FIG4: variants seen among roughly 807,000 people sequenced by gnomAD.
FIG4 encodes polyphosphoinositide phosphatase.
Under a neutral mutation model 118.6 loss-of-function variants are expected in FIG4, and 112 were observed. That is an observed-to-expected ratio of 0.94 (90% CI 0.81 to 1.11). The LOEUF is 1.11. Ranked by LOEUF, FIG4 falls within the 50% of genes least tolerant of loss-of-function variation. The pLI is 0.00. For missense variants in FIG4, 969 were observed against 1,111.7 expected (o/e 0.87, Z 1.83); for synonymous variants, 369 against 381.2 (o/e 0.97, Z 0.37).
chr6:109,798,735 C>T (rs1251234889), intron 22 of FIG4, among the ~76,000 whole-genome samples: 1 of 152,114 alleles, frequency 6.6e-6, no homozygotes, highest in African/African-American at 2.4e-5. Context: ...GGAAAGAACC[C>T]CAGACCATAT....
intron 11 of FIG4, among the ~76,000 whole-genome samples, chr6:109,761,306 T>G (rs534509771): frequency 1.3e-5 from 2 of 152,314 alleles, no homozygotes; most frequent in African/African-American, 2.4e-5. Context: ...TTCTCCTGTC[T>G]CAGCCTCCTG....
intron 10 of FIG4, among the ~76,000 whole-genome samples, chr6:109,751,328 G>A (rs890255025): frequency 6.6e-6 from 1 of 152,294 alleles, no homozygotes; most frequent in East Asian, 1.9e-4. Flanking sequence ...GTATTTTATT[G>A]AGGATTTTCG....
intron 22 of FIG4, among the ~76,000 whole-genome samples, chr6:109,824,641 T>C (rs1779105390): frequency 1.3e-5 from 2 of 152,224 alleles, no homozygotes; most frequent in African/African-American, 4.8e-5. Flanking sequence ...TTTATTCCTG[T>C]TTACAACTAT....
chr6:109,696,050 A>G (rs1270891737), intron 1 of FIG4, among the ~76,000 whole-genome samples: 2 of 152,228 alleles, frequency 1.3e-5, no homozygotes, highest in African/African-American at 2.4e-5. Context: ...TTTATCTTCA[A>G]CATTGTCTCA....
intron 20 of FIG4, among the ~76,000 whole-genome samples, chr6:109,792,011 T>C (rs910190787): frequency 2.0e-5 from 3 of 152,242 alleles, no homozygotes; most frequent in African/African-American, 7.2e-5. Context: ...GGACCAACTC[T>C]AGCTTTGGGG....
Position 109,792,735 on chromosome 6 carries a change from C to T in FIG4, c.2459+71C>T, listed in dbSNP as rs1778172309. On this transcript the variant is annotated intron_variant, in intron 21 of 22. Transcript: ENST00000230124. ...ATTACAGTAACTTCTAACTACTATA[C>T]CTTTTTTTTTTTTTTTTTTTGGAGA... is the stretch of plus-strand genomic sequence containing the variant. 2.1e-5 allele frequency: 14 copies of T among 653,632 alleles called. No individual in the cohort carries two copies. In the South Asian group the frequency reaches 2.2e-4, roughly 10 times the overall value. The allele number at this position is 653,632 out of a possible 1,614,324, so 40.5% of individuals were successfully genotyped here.
chr6:109,703,492 T>C (rs1774964957), intron 1 of FIG4, among the ~76,000 whole-genome samples: 1 of 152,212 alleles, frequency 6.6e-6, no homozygotes, highest in Admixed American at 6.5e-5. Flanking sequence ...GCTTTTCAGT[T>C]TCAAATGGTT....
In FIG4 at chr6:109,792,572, T is replaced by A. The variant is rs9481005; in HGVS notation, c.2377-10T>A. The A allele has an allele frequency of 3.1e-5, 47 of 1,496,866 alleles. No homozygotes were observed. The highest frequency in any genetic ancestry group is 1.7e-4 in the Middle Eastern group (1 of 5,844). 92.7% of individuals were successfully genotyped at this position (1,496,866 alleles called of 1,614,324 possible). On this transcript the variant is annotated splice_polypyrimidine_tract_variant and intron_variant, in intron 20 of 22. Coordinates refer to ENST00000230124, the MANE Select transcript of FIG4 (RefSeq NM_014845.6). ...CTTCCTGGTTCTTCTTTTTTTTTTT[T>A]AAACCCCAGAATGTGGTCCAACCCA...
At chr6:109,716,358 G>C in intron 2 of FIG4, 87 bp from the exon 3 acceptor site, 1 of 1,356,320 alleles carries the variant, frequency 7.4e-7, no homozygotes. Flanking sequence ...GATGATGCTT[G>C]TAGGTAACTT....
At chr6:109,732,911 C>T (rs187441334) in intron 5 of FIG4, among the ~76,000 whole-genome samples, 5 of 151,974 alleles carry the variant, frequency 3.3e-5, no homozygotes, top group Admixed American at 1.3e-4. Flanking sequence ...TAAAAATCAT[C>T]GTTGTTTTAG....
rs1054210363 is a variant in FIG4 at position 109,788,243 on chromosome 6, C to T, written c.2097-1351C>T. 2.0e-5 allele frequency among the ~76,000 whole-genome samples: 3 copies of T among 152,154 alleles called. No homozygotes were observed. In the South Asian group the frequency reaches 6.2e-4, roughly 32 times the overall value. On this transcript the variant is annotated intron_variant, in intron 18 of 22. Coordinates refer to ENST00000230124, the MANE Select transcript of FIG4 (RefSeq NM_014845.6). Reference sequence around the variant, plus strand: ...GTATATTGTTGATTTATTAACATAACACTCATGGCCAACAGCACTATAGCT... The same window carrying T: ...GTATATTGTTGATTTATTAACATAATACTCATGGCCAACAGCACTATAGCT...
intron 16 of FIG4, among the ~76,000 whole-genome samples, chr6:109,782,876 G>A (rs1405787119): frequency 1.3e-5 from 2 of 152,152 alleles, no homozygotes; most frequent in Non-Finnish European, 1.5e-5. Flanking sequence ...AACACATCTC[G>A]ATCTCATATT....
chr6:109,750,484 T>G (rs1038601603), intron 10 of FIG4, among the ~76,000 whole-genome samples: 8 of 151,944 alleles, frequency 5.3e-5, no homozygotes, highest in Non-Finnish European at 8.8e-5. Flanking sequence ...TTTTTTTTTT[T>G]CAATTAGTTG....
chr6:109,748,244 T>C (rs1330943616), intron 10 of FIG4, among the ~76,000 whole-genome samples: 1 of 152,152 alleles, frequency 6.6e-6, no homozygotes, highest in Non-Finnish European at 1.5e-5. Context: ...GGCTTGTGAA[T>C]GAGTATAAGC....
intron 17 of FIG4, 53 bp downstream of exon 17, chr6:109,785,081 C>T (rs1777914896): frequency 1.0e-6 from 1 of 975,840 alleles, no homozygotes; most frequent in African/African-American, 1.6e-5. Context: ...TGGCATTATA[C>T]CTTAATGAAC....
At chr6:109,773,490 C>G (rs1355694834) in intron 15 of FIG4, among the ~76,000 whole-genome samples, 1 of 152,086 alleles carries the variant, frequency 6.6e-6, no homozygotes, top group Non-Finnish European at 1.5e-5. Context: ...TTCAGAAAAC[C>G]TAGGAATTCT....
At chr6:109,724,693 T>C (rs1396657549) in intron 3 of FIG4, among the ~76,000 whole-genome samples, 1 of 152,150 alleles carries the variant, frequency 6.6e-6, no homozygotes, top group Non-Finnish European at 1.5e-5. Flanking sequence ...GAATAGTACA[T>C]AGGATCTTAA....
intron 22 of FIG4, among the ~76,000 whole-genome samples, chr6:109,819,669 A>G (rs1368717496): frequency 6.6e-6 from 1 of 151,962 alleles, no homozygotes; most frequent in Non-Finnish European, 1.5e-5. Context: ...GGGTTTCACC[A>G]TATTGGCCAG....
chr6:109,785,248 A>G (rs778540938), intron 17 of FIG4, among the ~76,000 whole-genome samples: 4 of 152,206 alleles, frequency 2.6e-5, no homozygotes, highest in Non-Finnish European at 5.9e-5. Flanking sequence ...TATGTAGGCC[A>G]ATACCTTGTA....
Sources: gnomAD v4.1 joint callset for allele counts (sites outside exome capture counted in the v4.1 genomes callset) on GRCh38, gnomAD v4.1.1 for gene constraint, MANE v1.5 for transcripts, NCBI Gene and HGNC (gene_info 2026-07-23, HGNC 2026-07-21) for gene names.